Variants in SMURF1 observed in about 807,000 individuals in gnomAD.
The protein encoded by SMURF1 is SMAD specific E3 ubiquitin protein ligase 1.
A neutral mutation model predicts 98.0 loss-of-function variants in SMURF1; 44 were observed. That is an observed-to-expected ratio of 0.45 (90% confidence interval 0.35 to 0.58). SMURF1 has a LOEUF of 0.58. Ranked by LOEUF, SMURF1 falls within the 20% of genes least tolerant of loss-of-function variation. The pLI is 0.00. For missense variants in SMURF1, 687 were observed against 938.4 expected, an observed-to-expected ratio of 0.73 and a Z score of 3.50; for synonymous variants, 396 against 374.9, an observed-to-expected ratio of 1.06 and a Z score of -0.65.
intron 3 of SMURF1, 90 bp downstream of exon 3, chr7:99,060,507 CTT>C (rs11311529): frequency 0.019 from 10,773 of 556,924 alleles, 10 homozygotes; most frequent in South Asian, 0.027. Context: ...AAAAGTCATC[CTT>C]TTTTTTTTTT....
intron 10 of SMURF1, among the ~76,000 whole-genome samples, chr7:99,046,827 G>A (rs368796847): frequency 1.1e-4 from 17 of 151,676 alleles, no homozygotes; most frequent in East Asian, 5.8e-4. Flanking sequence ...GTACTTCAGC[G>A]CTTTTCTAGC....
intron 1 of SMURF1, among the ~76,000 whole-genome samples, chr7:99,122,745 C>CTTTT (rs373204946): frequency 1.5e-4 from 17 of 112,370 alleles, no homozygotes; most frequent in South Asian, 6.1e-4. Flanking sequence ...TTCTTTCTTT[C>CTTTT]TTTTTTTTTT....
intron 1 of SMURF1, among the ~76,000 whole-genome samples, chr7:99,134,314 T>G (rs1022738020): frequency 1.3e-5 from 2 of 152,140 alleles, no homozygotes; most frequent in African/African-American, 2.4e-5. Context: ...CTTCTACCCA[T>G]GTTTACAGGT....
chr7:99,089,667 C>G (rs1796767744), intron 1 of SMURF1, among the ~76,000 whole-genome samples: 1 of 152,008 alleles, frequency 6.6e-6, no homozygotes, highest in African/African-American at 2.4e-5. Context: ...CAAAACAAAA[C>G]AAAACAATAC....
chr7:99,088,313 G>A (rs1376109160), intron 1 of SMURF1, among the ~76,000 whole-genome samples: 5 of 151,510 alleles, frequency 3.3e-5, no homozygotes, highest in Admixed American at 6.6e-5. Context: ...AACTACTGAC[G>A]TCACTGATGA....
At chr7:99,141,557 C>T (rs1315726594) in intron 1 of SMURF1, among the ~76,000 whole-genome samples, 1 of 152,162 alleles carries the variant, frequency 6.6e-6, no homozygotes, top group East Asian at 1.9e-4. Flanking sequence ...TCAGCCCTGG[C>T]ATAAAGAAAT....
At chr7:99,050,702 C>T (rs760375060) in intron 8 of SMURF1, 9 of 420,332 alleles carry the variant, frequency 2.1e-5, no homozygotes, top group Non-Finnish European at 3.0e-5. Flanking sequence ...AATATATTTC[C>T]AGTCTCATTA....
chr7:99,056,246 T>G (rs1271284564), intron 5 of SMURF1, among the ~76,000 whole-genome samples: 1 of 152,212 alleles, frequency 6.6e-6, no homozygotes, highest in Non-Finnish European at 1.5e-5. Context: ...CTAAAAGATT[T>G]GGAGTGAGAA....
At chr7:99,113,836 C>T (rs61651285) in intron 1 of SMURF1, among the ~76,000 whole-genome samples, 2 of 26,098 alleles carry the variant, frequency 7.7e-5, no homozygotes, top group African/African-American at 3.4e-4. Context: ...GAGACTCCGT[C>T]TAAAAAAAAA....
intron 1 of SMURF1, among the ~76,000 whole-genome samples, chr7:99,077,393 C>T (rs1291442435): frequency 1.3e-5 from 2 of 149,318 alleles, no homozygotes; most frequent in Admixed American, 1.3e-4. Flanking sequence ...AGTACAGTGG[C>T]GCAATCTCAG....
rs766194762 is a variant in SMURF1 at position 99,047,702 on chromosome 7, G to A, written c.1134C>T (p.Ser378=). Residue 378 remains serine, a synonymous_variant, in exon 10 of 18, where the codon TCC becomes TCT. Transcript: ENST00000361368. ...PQAGHCRIEV[S]REEIFEESYR... ...TCTCTACCTCAAAGATTTCTTCTCTGGACACTTCGATGCGGCAATGACCAG... is the reference window on the plus strand; with the variant it reads ...TCTCTACCTCAAAGATTTCTTCTCTAGACACTTCGATGCGGCAATGACCAG... 1.2e-6 allele frequency: 2 copies of A among 1,614,212 alleles called. No individual in the cohort carries two copies. Among genetic ancestry groups the A allele is most frequent in the Non-Finnish European group, 1.7e-6 (2 of 1,180,042 alleles).
intron 1 of SMURF1, among the ~76,000 whole-genome samples, chr7:99,118,667 A>C (rs1055572534): frequency 7.2e-5 from 11 of 152,132 alleles, no homozygotes; most frequent in African/African-American, 2.7e-4. Flanking sequence ...CTAAATGAGT[A>C]TTGGGTTTCT....
intron 1 of SMURF1, among the ~76,000 whole-genome samples, chr7:99,128,169 C>T (rs1797787424): frequency 6.6e-6 from 1 of 151,970 alleles, no homozygotes; most frequent in East Asian, 1.9e-4. Flanking sequence ...TACTCAACAC[C>T]CTCAAATAAT....
intron 1 of SMURF1, among the ~76,000 whole-genome samples, chr7:99,135,819 C>T (rs1175685649): frequency 6.6e-6 from 1 of 152,208 alleles, no homozygotes; most frequent in Non-Finnish European, 1.5e-5. Context: ...CAGTGCCAAA[C>T]TGCTCTTGGT....
Position 99,128,244 on chromosome 7 carries a change from G to A in SMURF1, c.55+15482C>T, listed in dbSNP as rs369122220. ...CTCTGGGGCTTATGACAAGATGACC[G>A]AATGGCTCATCTGTTCTCATGTGGT... On this transcript the variant is annotated intron_variant, in intron 1 of 17. Transcript: ENST00000361368. Among the ~76,000 whole-genome samples the A allele has an allele frequency of 5.3e-5, 8 of 152,268 alleles. No homozygotes were observed. In the East Asian group the frequency reaches 7.7e-4, roughly 15 times the overall value.
intron 1 of SMURF1, among the ~76,000 whole-genome samples, chr7:99,095,834 A>G (rs1289219862): frequency 6.6e-6 from 1 of 152,208 alleles, no homozygotes; most frequent in East Asian, 1.9e-4. Flanking sequence ...TAAACAACAG[A>G]AATGTATCGT....
At chr7:99,040,211 G>A (rs1429884729) in intron 13 of SMURF1, among the ~76,000 whole-genome samples, 167 bp downstream of exon 13, 3 of 145,698 alleles carry the variant, frequency 2.1e-5, no homozygotes, top group Non-Finnish European at 2.9e-5. Flanking sequence ...TGATCTGCCC[G>A]CCTCCGCCTT....
intron 1 of SMURF1, among the ~76,000 whole-genome samples, chr7:99,096,322 A>G (rs1260036690): frequency 6.6e-6 from 1 of 152,250 alleles, no homozygotes; most frequent in African/African-American, 2.4e-5. Context: ...CCTGAGCTCA[A>G]CTAGGTCAAT....
chr7:99,127,080 G>A (rs918715240), intron 1 of SMURF1, among the ~76,000 whole-genome samples: 1 of 152,194 alleles, frequency 6.6e-6, no homozygotes, highest in African/African-American at 2.4e-5. Flanking sequence ...GAGGTTCCTA[G>A]TGCTTCAGCC....
Sources: gnomAD v4.1 joint callset for allele counts (sites outside exome capture counted in the v4.1 genomes callset) on GRCh38, gnomAD v4.1.1 for gene constraint, MANE v1.5 for transcripts, NCBI Gene and HGNC (gene_info 2026-07-23, HGNC 2026-07-21) for gene names.